Variants in POGZ observed in about 807,000 individuals in gnomAD.
The protein encoded by POGZ is pogo transposable element with ZNF domain.
POGZ carries 17 observed loss-of-function variants against 134.6 expected under a neutral mutation model. That is an observed-to-expected ratio of 0.13 (90% confidence interval 0.09 to 0.19). The LOEUF is 0.19. Among genes scored for constraint, POGZ ranks in the 10% least tolerant of loss-of-function variants. The pLI is 1.00. For synonymous variants in POGZ, 693 were observed against 657.1 expected (o/e 1.05, Z -0.84); for missense variants, 1,306 against 1,769.7 (o/e 0.74, Z 4.70).
intron 11 of POGZ, 67 bp from the exon 12 acceptor site, chr1:151,411,838 AG>A (rs752193454): frequency 2.9e-6 from 4 of 1,395,438 alleles, no homozygotes; most frequent in Admixed American, 5.4e-5. Flanking sequence ...TTAAAAAAAA[AG>A]GTAGCAACAA....
At chr1:151,452,424 T>C (rs928404254) in intron 1 of POGZ, among the ~76,000 whole-genome samples, 2 of 151,888 alleles carry the variant, frequency 1.3e-5, no homozygotes, top group Non-Finnish European at 2.9e-5. Context: ...AATCACGGCT[T>C]ATTGCAGCCT....
Position 151,447,346 on chromosome 1 carries a change from T to C in POGZ, c.-1-5141A>G, listed in dbSNP as rs192740130. 2.9e-3 allele frequency among the ~76,000 whole-genome samples: 438 copies of C among 151,938 alleles called. 2 individuals carry two copies. The highest frequency in any genetic ancestry group is 0.01 in the African/African-American group (417 of 41,498). ...GAGATTGTGCCACTGCACTCCAGCT[T>C]GGACAACAGAGCAAGACTCCATCTT... On this transcript the variant is annotated intron_variant, in intron 1 of 18. Transcript: ENST00000271715.
At position 151,405,009 on chromosome 1, in the gene POGZ, A is replaced by C. The variant is rs778409159; in HGVS notation, c.4026T>G (p.Asn1342Lys). 6 of 1,614,048 alleles carry C rather than the reference A, an allele frequency of 3.7e-6. No individual in the cohort carries two copies. Among genetic ancestry groups the C allele is most frequent in the Non-Finnish European group, 5.1e-6 (6 of 1,180,046 alleles). ...CAATTAGCTCCTCCTGCATGTCAGCATTTCTTGTAGGTGAGTTAATGTTGC... is the reference window on the plus strand; with the variant it reads ...CAATTAGCTCCTCCTGCATGTCAGCCTTTCTTGTAGGTGAGTTAATGTTGC... ...PDGNINSPTR[N>K]ADMQEELIAS... is the part of the protein sequence containing the mutation. Residue 1342 changes from asparagine to lysine, a missense_variant, in exon 19 of 19, where the codon AAT (asparagine) becomes AAG (lysine). Coordinates refer to ENST00000271715, the MANE Select transcript of POGZ (RefSeq NM_015100.4). This position sits in a 1 kb window ranked among gnomAD's most constrained non-coding sequence, Gnocchi z 4.9.
At chr1:151,420,661 A>C (rs1406153927) in intron 10 of POGZ, among the ~76,000 whole-genome samples, 1 of 152,044 alleles carries the variant, frequency 6.6e-6, no homozygotes, top group Non-Finnish European at 1.5e-5. Context: ...CCAAAGTTTC[A>C]CTGTCTAATA....
At chr1:151,423,295 T>C (rs1657247836) in intron 10 of POGZ, 102 bp downstream of exon 10, 9 of 978,132 alleles carry the variant, frequency 9.2e-6, no homozygotes, top group Non-Finnish European at 1.4e-5. Flanking sequence ...TCCTCTACAC[T>C]GTTACCCACA....
Position 151,441,069 on chromosome 1 carries a change from G to A in POGZ, c.142C>T (p.Pro48Ser). The change falls in exon 3 of 19, where the codon CCA becomes TCA. Residue 48 changes from proline (P) to serine (S), a missense_variant. By Grantham distance (74) the Pro-to-Ser change is moderately conservative (BLOSUM62 -1). Coordinates refer to ENST00000271715, the MANE Select transcript of POGZ (RefSeq NM_015100.4). ...GCGATGGGCACTGGAGCCGAGACTG[G>A]CTGCTGGCTCACAGAAACTGTGGGG... ...KTTTVSVSQQ[P>S]VSAPVPIAAH... is the part of the protein sequence containing the mutation. The A allele has an allele frequency of 6.2e-7, 1 of 1,613,854 alleles. No individual in the cohort carries two copies. Among genetic ancestry groups the A allele is most frequent in the Non-Finnish European group, 8.5e-7 (1 of 1,179,830 alleles).
Position 151,422,871 on chromosome 1 carries a change from C to T in POGZ, c.1678+526G>A, listed in dbSNP as rs372581637. 2.8e-4 allele frequency among the ~76,000 whole-genome samples: 43 copies of T among 152,162 alleles called. No individual in the cohort carries two copies. In the South Asian group the frequency reaches 7.7e-3, roughly 27 times the overall value. ...CCTCCCAAAGTGTTGGGATTACAGG[C>T]GTGAGCCACCGTGCCCGGCCATATT... On this transcript the variant is annotated intron_variant, in intron 10 of 18. Coordinates refer to ENST00000271715, the MANE Select transcript of POGZ (RefSeq NM_015100.4).
chr1:151,441,092 G>A lies in POGZ; in HGVS notation c.125-6C>T, dbSNP rs1310331288. 4 of 1,611,810 alleles carry A rather than the reference G, an allele frequency of 2.5e-6. No individual in the cohort carries two copies. In the African/African-American group the frequency reaches 4.0e-5, roughly 16 times the overall value. ...TGGCTGCTGGCTCACAGAAACTGTG[G>A]GGAAGGGGAGGCATAGTCACTTGGA... On this transcript the variant is annotated splice_region_variant and splice_polypyrimidine_tract_variant and intron_variant, in intron 2 of 18. Transcript: ENST00000271715.
chr1:151,428,208 AGTG>A lies in POGZ; in HGVS notation c.771_773del (p.Thr258del), dbSNP rs1422058823. On this transcript the variant is annotated inframe_deletion, in exon 6 of 19. Transcript: ENST00000271715. ...GTGAGGTTGGCTGTGTGGCAGTGGG[AGTG>A]GTAGAAGTGCTGGGAGTGGACTTGG... 6.2e-7 allele frequency: 1 copy of A among 1,613,988 alleles called. No individual in the cohort carries two copies. Among genetic ancestry groups the A allele is most frequent in the Non-Finnish European group, 8.5e-7 (1 of 1,179,950 alleles).
Position 151,403,201 on chromosome 1 carries a change from T to G in POGZ, c.*1601A>C. The G allele has an allele frequency of 1.0e-6, 1 of 985,208 alleles. No individual in the cohort carries two copies. Among genetic ancestry groups the G allele is most frequent in the Non-Finnish European group, 1.2e-6 (1 of 829,552 alleles). 61.0% of individuals were successfully genotyped at this position (985,208 alleles called of 1,614,324 possible). A position where few individuals can be genotyped will look rare whatever the true frequency, so the allele number is the denominator to read the frequency against. ...CACTATATTATAGTGTGCTGGGGGA[T>G]GAAAAAACAAACAAACAAAAAAGCA... On this transcript the variant is annotated 3_prime_UTR_variant, in exon 19 of 19. Transcript: ENST00000271715.
At position 151,423,306 on chromosome 1, in the gene POGZ, T is replaced by C. The variant is rs2274533; in HGVS notation, c.1678+91A>G. 0.75 allele frequency: 804,148 copies of C among 1,065,666 alleles called. 315,820 individuals are homozygous for C. Among genetic ancestry groups the C allele is most frequent in the Non-Finnish European group, 0.83 (578,974 of 701,366 alleles). 66.0% of individuals were successfully genotyped at this position (1,065,666 alleles called of 1,614,324 possible). On this transcript the variant is annotated intron_variant, in intron 10 of 18. Coordinates refer to ENST00000271715, the MANE Select transcript of POGZ (RefSeq NM_015100.4). ...TACTTCCTCTACACTGTTACCCACATGTAAATAAATATAATGGGCTCCCCC... is the reference window on the plus strand; with the variant it reads ...TACTTCCTCTACACTGTTACCCACACGTAAATAAATATAATGGGCTCCCCC...
intron 10 of POGZ, among the ~76,000 whole-genome samples, chr1:151,413,005 T>TG (rs777644174): frequency 1.2e-4 from 19 of 152,156 alleles, no homozygotes; most frequent in Non-Finnish European, 2.2e-4. Context: ...GGTAATTTCA[T>TG]GTTGGCCAGG....
Position 151,408,545 on chromosome 1 carries a change from C to T in POGZ, c.2098G>A (p.Val700Ile). ...IRASRGQPRTVPVSSNDTPPS... is the reference protein window; with the variant it reads ...IRASRGQPRTIPVSSNDTPPS... ...GGTGTATCATTAGAGGATACAGGAA[C>T]AGTTCGTGGCTGCCCTCGGGAAGCC... is the stretch of plus-strand genomic sequence containing the variant. Residue 700 changes from valine to isoleucine, a missense_variant, in exon 14 of 19, where the codon GTT (valine) becomes ATT (isoleucine). Physicochemically the swap from Val to Ile is conservative, Grantham distance 29. Coordinates refer to ENST00000271715, the MANE Select transcript of POGZ (RefSeq NM_015100.4). The T allele has an allele frequency of 6.2e-7, 1 of 1,608,810 alleles. No individual in the cohort carries two copies. Among genetic ancestry groups the T allele is most frequent in the Non-Finnish European group, 8.5e-7 (1 of 1,178,664 alleles).
At chr1:151,422,950 A>C (rs1178124040) in intron 10 of POGZ, among the ~76,000 whole-genome samples, 1 of 152,240 alleles carries the variant, frequency 6.6e-6, no homozygotes, top group Non-Finnish European at 1.5e-5. Flanking sequence ...CATGTATAAA[A>C]TATACAGTGT....
chr1:151,449,637 C>T (rs1661764382), intron 1 of POGZ, among the ~76,000 whole-genome samples: 1 of 152,208 alleles, frequency 6.6e-6, no homozygotes. Flanking sequence ...TGGCTCACGC[C>T]TGTAATCCCA....
chr1:151,435,001 A>G (rs1371646140), intron 3 of POGZ, among the ~76,000 whole-genome samples: 1 of 151,214 alleles, frequency 6.6e-6, no homozygotes, highest in African/African-American at 2.4e-5. Flanking sequence ...CCTAGGTTCA[A>G]GTGGTTCTTC....
intron 3 of POGZ, among the ~76,000 whole-genome samples, chr1:151,435,451 CAAA>C (rs1659414449): frequency 6.6e-6 from 1 of 151,468 alleles, no homozygotes; most frequent in African/African-American, 2.4e-5. Context: ...TAAAGAACAT[CAAA>C]CAGAATAGTA....
At chr1:151,415,041 C>T (rs989176111) in intron 10 of POGZ, among the ~76,000 whole-genome samples, 1 of 152,186 alleles carries the variant, frequency 6.6e-6, no homozygotes, top group Non-Finnish European at 1.5e-5. Flanking sequence ...GCATGAACAA[C>T]TGTAACTTCT....
intron 10 of POGZ, among the ~76,000 whole-genome samples, chr1:151,420,397 G>T (rs1211633373): frequency 6.6e-6 from 1 of 152,032 alleles, no homozygotes; most frequent in Non-Finnish European, 1.5e-5. Context: ...GTTCACTCTA[G>T]CCTTGACCTA....
Sources: allele counts gnomAD v4.1 joint callset (sites outside exome capture counted in the v4.1 genomes callset), GRCh38; gene constraint gnomAD v4.1.1; non-coding constraint Gnocchi (gnomAD v3.1); transcripts MANE v1.5; gene names NCBI Gene and HGNC (gene_info 2026-07-23, HGNC 2026-07-21).